The following PSME4 variants were observed in gnomAD, a reference collection of about 807,000 sequenced individuals.
PSME4 encodes proteasome activator subunit 4.
A neutral mutation model predicts 253.9 loss-of-function variants in PSME4; 89 were observed. That is an observed-to-expected ratio of 0.35 (90% CI 0.30 to 0.42). PSME4 has a LOEUF of 0.42. Among genes scored for constraint, PSME4 ranks in the 10% least tolerant of loss-of-function variants. The pLI is 1.00. For synonymous variants in PSME4, 851 were observed against 759.2 expected, an observed-to-expected ratio of 1.12 and a Z score of -1.99; for missense variants, 2,014 against 2,195.2, an observed-to-expected ratio of 0.92 and a Z score of 1.65.
intron 1 of PSME4, among the ~76,000 whole-genome samples, chr2:53,950,275 T>G (rs527612578): frequency 3.8e-4 from 56 of 146,204 alleles, no homozygotes; most frequent in African/African-American, 1.4e-3. Flanking sequence ...CAGAGTGAGA[T>G]CTTGTCTTCC....
intron 34 of PSME4, 138 bp from the exon 35 acceptor site, chr2:53,893,937 G>A: frequency 7.6e-7 from 1 of 1,308,392 alleles, no homozygotes; most frequent in Non-Finnish European, 9.8e-7. Flanking sequence ...AGTTCTCATA[G>A]ACTACAGTGA....
intron 1 of PSME4, among the ~76,000 whole-genome samples, chr2:53,961,821 G>C (rs1670507056): frequency 6.6e-6 from 1 of 152,178 alleles, no homozygotes. Flanking sequence ...GTTTTGCCAG[G>C]AGAGTACACC....
chr2:53,866,706 C>T, intron 45 of PSME4, 41 bp downstream of exon 45: 1 of 1,571,052 alleles, frequency 6.4e-7, no homozygotes, highest in Admixed American at 1.8e-5. Context: ...TAGAAAACAT[C>T]ACTGATAATA....
chr2:53,920,347 A>T lies in PSME4; in HGVS notation c.2266T>A (p.Trp756Arg). The T allele has an allele frequency of 6.2e-7, 1 of 1,608,054 alleles. No homozygotes were observed. The highest frequency in any genetic ancestry group is 1.1e-5 in the South Asian group (1 of 89,906). ...TTCCACAAGTCCCCGGGTTTGCCCC[A>T]GTCCTAGAAGAGAACAGCATCTACT... ...PPSEYFPIKD[W>R]GKPGDLWNLG... Residue 756 changes from tryptophan to arginine, a missense_variant, in exon 19 of 47, where the codon TGG becomes AGG. This residue lies in a region of PSME4 where 989 missense variants were observed against 1,021.1 expected (regional missense o/e 0.97). Transcript: ENST00000404125.
At chr2:53,944,365 G>A (rs1258002290) in intron 3 of PSME4, among the ~76,000 whole-genome samples, 1 of 152,058 alleles carries the variant, frequency 6.6e-6, no homozygotes, top group Non-Finnish European at 1.5e-5. Context: ...TCACCATGTT[G>A]GCCAGGCTGG....
At chr2:53,910,005 C>G (rs1314622493) in intron 21 of PSME4, 70 bp downstream of exon 21, 4 of 1,233,992 alleles carry the variant, frequency 3.2e-6, no homozygotes, top group Non-Finnish European at 4.8e-6. Flanking sequence ...CTTCATACTT[C>G]ATTTTAGTCC....
chr2:53,903,396 T>C (rs1262351716), intron 27 of PSME4, among the ~76,000 whole-genome samples: 2 of 152,088 alleles, frequency 1.3e-5, no homozygotes, highest in Non-Finnish European at 2.9e-5. Flanking sequence ...GTCCCATCCG[T>C]TCTCACTCTT....
intron 39 of PSME4, 55 bp downstream of exon 39, chr2:53,887,803 A>T (rs549595900): frequency 5.9e-5 from 87 of 1,468,686 alleles, no homozygotes; most frequent in East Asian, 3.9e-4. Flanking sequence ...ATTACAATTT[A>T]AAAAAAAACA....
intron 45 of PSME4, 114 bp from the exon 46 acceptor site, chr2:53,866,337 A>G: frequency 8.7e-7 from 1 of 1,155,394 alleles, no homozygotes; most frequent in South Asian, 1.7e-5. Flanking sequence ...ACACAATACC[A>G]AGTTCTACAA....
At chr2:53,898,121 T>G in intron 30 of PSME4, 122 bp from the exon 31 acceptor site, 3 of 1,250,758 alleles carry the variant, frequency 2.4e-6, no homozygotes, top group Non-Finnish European at 3.3e-6. Context: ...TAGTGAAGAA[T>G]ACTGCTCCTA....
intron 10 of PSME4, among the ~76,000 whole-genome samples, chr2:53,931,613 G>A (rs191344255): frequency 2.4e-4 from 36 of 152,264 alleles, no homozygotes; most frequent in African/African-American, 8.4e-4. Context: ...AATGTGTGAA[G>A]AATCCAAAAG....
intron 13 of PSME4, 31 bp from the exon 14 acceptor site, chr2:53,925,720 C>T (rs774583673): frequency 3.8e-6 from 6 of 1,583,320 alleles, no homozygotes; most frequent in Non-Finnish European, 5.2e-6. Context: ...ATAATTTCAG[C>T]AACTAAAATC....
intron 3 of PSME4, among the ~76,000 whole-genome samples, chr2:53,946,437 T>C (rs2104473793): frequency 6.6e-6 from 1 of 152,374 alleles, no homozygotes; most frequent in South Asian, 2.1e-4. Flanking sequence ...CCACCCTGAA[T>C]GTGCCCAATC....
intron 3 of PSME4, chr2:53,942,011 A>T (rs1159019810): frequency 2.0e-5 from 3 of 152,616 alleles, no homozygotes; most frequent in African/African-American, 7.2e-5. Flanking sequence ...AACACTTGAT[A>T]GAGTCACTTC....
In PSME4 at chr2:53,896,880, A is replaced by T; in HGVS notation, c.3612T>A (p.Ala1204=). 1.2e-6 allele frequency: 2 copies of T among 1,610,046 alleles called. No homozygotes were observed. The highest frequency in any genetic ancestry group is 8.5e-7 in the Non-Finnish European group (1 of 1,176,366). Reference sequence around the variant, plus strand: ...TAAGGATACCAGCAACAGCTGAGATAGCCATCTAGAAAAGGAAAAAGGTAC... The same window carrying T: ...TAAGGATACCAGCAACAGCTGAGATTGCCATCTAGAAAAGGAAAAAGGTAC... ...NHDAIVVRKM[A]ISAVAGILKQ... is the part of the protein sequence containing the mutation. The change falls in exon 32 of 47, where the codon GCT becomes GCA. Residue 1204 remains alanine (A), a synonymous_variant. Transcript: ENST00000404125.
chr2:53,900,236 T>C (rs532506551), intron 28 of PSME4, among the ~76,000 whole-genome samples: 16 of 152,182 alleles, frequency 1.1e-4, no homozygotes, highest in African/African-American at 3.9e-4. Flanking sequence ...CGACTGCTAT[T>C]AGGTACTTGT....
chr2:53,924,066 T>C (rs1476585631), intron 14 of PSME4, among the ~76,000 whole-genome samples: 1 of 152,158 alleles, frequency 6.6e-6, no homozygotes, highest in African/African-American at 2.4e-5. Flanking sequence ...TTTTTTGGAA[T>C]ACCTAATACA....
chr2:53,945,914 A>G (rs1027527201), intron 3 of PSME4, among the ~76,000 whole-genome samples: 28 of 152,238 alleles, frequency 1.8e-4, no homozygotes, highest in Admixed American at 1.6e-3. Context: ...GAATAATTAC[A>G]ATTACAAAAT....
intron 18 of PSME4, among the ~76,000 whole-genome samples, chr2:53,920,560 C>T (rs1668267772): frequency 1.3e-5 from 2 of 152,150 alleles, no homozygotes; most frequent in South Asian, 4.1e-4. Context: ...CCGAAGAGTA[C>T]TCATTATAAT....
Sources: allele counts gnomAD v4.1 joint callset (sites outside exome capture counted in the v4.1 genomes callset), GRCh38; gene constraint gnomAD v4.1.1; regional missense constraint gnomAD v4.1.1; transcripts MANE v1.5; gene names NCBI Gene and HGNC (gene_info 2026-07-23, HGNC 2026-07-21).